The following SLC30A8 variants were observed in gnomAD, a reference collection of about 807,000 sequenced individuals.
SLC30A8 encodes solute carrier family 30 member 8, also known as proton-coupled zinc antiporter SLC30A8.
In SLC30A8, 27 loss-of-function variants were observed where a neutral mutation model predicts 36.9. The observed-to-expected ratio is 0.73, with a 90% CI of 0.54 to 1.01. SLC30A8 has a LOEUF of 1.01. Among genes scored for constraint, SLC30A8 ranks in the 50% least tolerant of loss-of-function variants. The probability of loss-of-function intolerance (pLI) is 0.00; values close to 1 mark genes in which losing one functional copy is unlikely to be tolerated. For missense variants in SLC30A8, 439 were observed against 452.0 expected, an observed-to-expected ratio of 0.97 and a Z score of 0.26; for synonymous variants, 164 against 172.4, an observed-to-expected ratio of 0.95 and a Z score of 0.38.
intron 2 of SLC30A8, among the ~76,000 whole-genome samples, chr8:117,092,456 T>C (rs1417352699): frequency 6.6e-6 from 1 of 152,104 alleles, no homozygotes; most frequent in Non-Finnish European, 1.5e-5. Flanking sequence ...AACAGCCCTC[T>C]TTTTCCTGTC....
chr8:117,051,223 G>T (rs751886694), intron 2 of SLC30A8, among the ~76,000 whole-genome samples: 2 of 152,194 alleles, frequency 1.3e-5, no homozygotes, highest in South Asian at 2.1e-4. Flanking sequence ...GTACTGACTC[G>T]TTGGCCAATC....
chr8:117,110,131 C>T (rs543263980), intron 2 of SLC30A8, among the ~76,000 whole-genome samples: 18 of 152,182 alleles, frequency 1.2e-4, no homozygotes, highest in African/African-American at 4.1e-4. Flanking sequence ...TTCAAAAAAA[C>T]CCTCCATAAG....
rs1229959417 is a variant in SLC30A8 at position 117,176,322 on chromosome 8, CAA to C, written c.*3643_*3644del. 2 of 152,494 alleles carry C rather than the reference CAA, an allele frequency of 1.3e-5. No individual in the cohort carries two copies. The highest frequency in any genetic ancestry group is 6.6e-5 in the Admixed American group (1 of 15,248). The allele number at this position is 152,494 out of a possible 1,614,324, so 9.4% of individuals were successfully genotyped here. On this transcript the variant is annotated 3_prime_UTR_variant, in exon 8 of 8. Transcript: ENST00000456015. Reference sequence around the variant, plus strand: ...ATGAAATATGATCCAGAGAGTCTTGCAAAGAGACAAGCCTCATTTTCCACAAT... The same window carrying C: ...ATGAAATATGATCCAGAGAGTCTTGCAGAGACAAGCCTCATTTTCCACAAT...
At chr8:117,080,555 T>C (rs1818641121) in intron 2 of SLC30A8, among the ~76,000 whole-genome samples, 1 of 152,210 alleles carries the variant, frequency 6.6e-6, no homozygotes, top group African/African-American at 2.4e-5. Flanking sequence ...ACCCAGCGTT[T>C]AGCTCCCAAT....
chr8:117,061,747 T>A (rs554816119), intron 2 of SLC30A8, among the ~76,000 whole-genome samples: 1 of 152,228 alleles, frequency 6.6e-6, no homozygotes, highest in South Asian at 2.1e-4. Context: ...GCTATCAGCT[T>A]TGTCTGTGAT....
chr8:117,004,299 C>G (rs900532229), intron 1 of SLC30A8, among the ~76,000 whole-genome samples: 9 of 152,330 alleles, frequency 5.9e-5, no homozygotes, highest in African/African-American at 2.2e-4. Flanking sequence ...ATAAAGTTAG[C>G]CACACAAGGG....
At chr8:117,121,252 A>G (rs1403346270) in intron 2 of SLC30A8, among the ~76,000 whole-genome samples, 1 of 151,996 alleles carries the variant, frequency 6.6e-6, no homozygotes, top group Non-Finnish European at 1.5e-5. Flanking sequence ...AACATTCATT[A>G]ATGGATGAAT....
intron 1 of SLC30A8, among the ~76,000 whole-genome samples, chr8:116,976,357 G>A (rs1815010318): frequency 6.6e-6 from 1 of 151,634 alleles, no homozygotes; most frequent in Non-Finnish European, 1.5e-5. Context: ...TGCACAATAG[G>A]CTCCTACAAG....
chr8:117,171,129 A>G lies in SLC30A8; in HGVS notation c.925A>G (p.Thr309Ala). ...SVHSLHIWSLTMNQVILSAHV... is the reference protein window; with the variant it reads ...SVHSLHIWSLAMNQVILSAHV... ...GCACAGCCTGCACATCTGGTCTCTA[A>G]CAATGAATCAAGTAATTCTCTCAGC... is the stretch of plus-strand genomic sequence containing the variant. The change falls in exon 7 of 8, where the codon ACA becomes GCA. Residue 309 changes from threonine to alanine, a missense_variant. Physicochemically the swap from Thr to Ala is moderately conservative, Grantham distance 58. Coordinates refer to ENST00000456015, the MANE Select transcript of SLC30A8 (RefSeq NM_173851.3). 1.2e-6 allele frequency: 2 copies of G among 1,613,556 alleles called. No homozygotes were observed. Among genetic ancestry groups the G allele is most frequent in the Non-Finnish European group, 1.7e-6 (2 of 1,179,638 alleles).
intron 2 of SLC30A8, among the ~76,000 whole-genome samples, chr8:117,070,738 T>C (rs1818305814): frequency 1.3e-5 from 2 of 152,206 alleles, no homozygotes; most frequent in African/African-American, 2.4e-5. Context: ...TTCCATTCCC[T>C]CTCTCACACT....
At chr8:117,163,350 A>G (rs193212985) in intron 5 of SLC30A8, 75 bp from the exon 6 acceptor site, 1 of 1,143,394 alleles carries the variant, frequency 8.7e-7, no homozygotes, top group East Asian at 2.4e-5. Flanking sequence ...AGGGAGGTTT[A>G]CTTATTTTAT....
At chr8:116,999,215 T>C (rs1413489485) in intron 1 of SLC30A8, among the ~76,000 whole-genome samples, 1 of 152,126 alleles carries the variant, frequency 6.6e-6, no homozygotes, top group African/African-American at 2.4e-5. Context: ...GCCGAGATCA[T>C]GCCATTGCGC....
At chr8:117,018,669 C>A (rs1212648855) in intron 1 of SLC30A8, among the ~76,000 whole-genome samples, 1 of 122,310 alleles carries the variant, frequency 8.2e-6, no homozygotes, top group African/African-American at 3.1e-5. Context: ...ACTAGCCCCC[C>A]CCCCCCTTTT....
chr8:117,053,259 T>C (rs953057708), intron 2 of SLC30A8, among the ~76,000 whole-genome samples: 1 of 152,192 alleles, frequency 6.6e-6, no homozygotes, highest in African/African-American at 2.4e-5. Context: ...TCAGTTGTGC[T>C]TAGTAGTGGT....
rs566335454 is a variant in SLC30A8 at position 117,137,499 on chromosome 8, G to A, written c.71+2101G>A. Among the ~76,000 whole-genome samples the A allele has an allele frequency of 1.8e-3, 281 of 152,020 alleles. 3 individuals are homozygous for A. The highest frequency in any genetic ancestry group is 3.4e-3 in the Middle Eastern group (1 of 294). ...GCTTAAACAACAACTATTTTATTACGATTCTCTGGGTCAGGATTTGGGCAG... is the reference window on the plus strand; with the variant it reads ...GCTTAAACAACAACTATTTTATTACAATTCTCTGGGTCAGGATTTGGGCAG... On this transcript the variant is annotated intron_variant, in intron 1 of 7. Transcript: ENST00000456015.
upstream of SLC30A8, among the ~76,000 whole-genome samples, chr8:117,131,235 G>A (rs948660919): frequency 1.3e-5 from 2 of 151,930 alleles, no homozygotes; most frequent in Admixed American, 6.6e-5. Flanking sequence ...TTTTCATAAT[G>A]CTCTCTAAAA....
chr8:117,089,211 T>C (rs1310425547), intron 2 of SLC30A8, among the ~76,000 whole-genome samples: 1 of 152,196 alleles, frequency 6.6e-6, no homozygotes, highest in Admixed American at 6.5e-5. Context: ...CTTTTCTAAT[T>C]ACACAACTTT....
At chr8:116,987,692 C>T (rs1484176478) in intron 1 of SLC30A8, among the ~76,000 whole-genome samples, 1 of 151,802 alleles carries the variant, frequency 6.6e-6, no homozygotes, top group African/African-American at 2.4e-5. Context: ...ATTATTATTA[C>T]TTTTTTATTT....
At chr8:117,091,504 G>A (rs1819124531) in intron 2 of SLC30A8, among the ~76,000 whole-genome samples, 2 of 152,048 alleles carry the variant, frequency 1.3e-5, no homozygotes, top group African/African-American at 4.8e-5. Flanking sequence ...AGATGGTCTT[G>A]GGATTGTCAT....
Sources: gnomAD v4.1 joint callset for allele counts (sites outside exome capture counted in the v4.1 genomes callset) on GRCh38, gnomAD v4.1.1 for gene constraint, MANE v1.5 for transcripts, NCBI Gene and HGNC (gene_info 2026-07-23, HGNC 2026-07-21) for gene names.